The following SVOP variants were observed in gnomAD, a reference collection of about 807,000 sequenced individuals.
SVOP encodes the protein SV2 related protein, also known as synaptic vesicle 2-related protein.
In SVOP, 17 loss-of-function variants were observed where a neutral mutation model predicts 69.1. The observed-to-expected ratio is 0.25, with a 90% CI of 0.17 to 0.37. SVOP has a LOEUF of 0.37. Among genes scored for constraint, SVOP ranks in the 10% least tolerant of loss-of-function variants. The pLI, the probability that SVOP is intolerant of heterozygous loss-of-function variation, is 1.00. For missense variants in SVOP, 435 were observed against 597.5 expected, an observed-to-expected ratio of 0.73 and a Z score of 2.84; for synonymous variants, 238 against 238.6, an observed-to-expected ratio of 1.00 and a Z score of 0.02.
chr12:108,943,890 CT>C (rs1296101947), intron 7 of SVOP, among the ~76,000 whole-genome samples: 3 of 141,242 alleles, frequency 2.1e-5, no homozygotes, highest in South Asian at 2.3e-4. Flanking sequence ...CTTCTTCTTT[CT>C]TTTTTTTTGA....
rs563629402 is a variant in SVOP, at chr12:108,969,813, G to A, written c.453+2592C>T. 2.2e-3 allele frequency among the ~76,000 whole-genome samples: 339 copies of A among 151,974 alleles called. 2 individuals carry two copies. The highest frequency in any genetic ancestry group is 0.01 in the Middle Eastern group (3 of 294). ...CCATCACTCATATGCTCCAGAAACA[G>A]GAAGTGGGTGGGAGAGCAGATGGGG... On this transcript the variant is annotated intron_variant, in intron 5 of 15. Coordinates refer to ENST00000610966, the MANE Select transcript of SVOP (RefSeq NM_018711.5).
intron 11 of SVOP, among the ~76,000 whole-genome samples, chr12:108,930,764 C>T (rs1477966895): frequency 6.6e-6 from 1 of 152,090 alleles, no homozygotes; most frequent in Non-Finnish European, 1.5e-5. Context: ...CGGAAATCAG[C>T]GATTGGCACA....
At chr12:109,010,370 C>T (rs962516359) in intron 1 of SVOP, among the ~76,000 whole-genome samples, 1 of 152,082 alleles carries the variant, frequency 6.6e-6, no homozygotes, top group Non-Finnish European at 1.5e-5. Context: ...TTAGACAGCC[C>T]AGAGAAGACT....
chr12:108,973,935 C>T (rs2040093106), intron 4 of SVOP, among the ~76,000 whole-genome samples: 1 of 152,190 alleles, frequency 6.6e-6, no homozygotes, highest in Non-Finnish European at 1.5e-5. Flanking sequence ...ATCTGGTTTC[C>T]AATACCTTTA....
intron 1 of SVOP, among the ~76,000 whole-genome samples, chr12:108,991,735 C>T (rs939566383): frequency 4.0e-5 from 6 of 150,666 alleles, no homozygotes; most frequent in Non-Finnish European, 7.4e-5. Flanking sequence ...GGATTACAGG[C>T]GTGAGCCATC....
chr12:108,924,781 T>G (rs1343325272), intron 11 of SVOP, among the ~76,000 whole-genome samples: 1 of 152,168 alleles, frequency 6.6e-6, no homozygotes, highest in Admixed American at 6.5e-5. Flanking sequence ...CTATAGAAAC[T>G]AAAGATAACA....
chr12:108,971,899 C>T (rs1279923586), intron 5 of SVOP, among the ~76,000 whole-genome samples: 1 of 151,964 alleles, frequency 6.6e-6, no homozygotes, highest in Non-Finnish European at 1.5e-5. Context: ...ACAAAAAATA[C>T]AAAAATGAGC....
intron 14 of SVOP, among the ~76,000 whole-genome samples, chr12:108,916,218 C>G (rs991885195): frequency 6.6e-6 from 1 of 152,218 alleles, no homozygotes; most frequent in African/African-American, 2.4e-5. Flanking sequence ...GCCTGGGTCA[C>G]AGGTTTTCAA....
chr12:109,008,532 C>T (rs536147783), intron 1 of SVOP, among the ~76,000 whole-genome samples: 63 of 152,248 alleles, frequency 4.1e-4, no homozygotes, highest in Non-Finnish European at 6.6e-4. Context: ...TAGCAATGAG[C>T]TTGTTCCTAG....
At chr12:109,020,402 A>G (rs1376953770) in intron 1 of SVOP, among the ~76,000 whole-genome samples, 1 of 152,184 alleles carries the variant, frequency 6.6e-6, no homozygotes, top group African/African-American at 2.4e-5. Context: ...CATCAGTATC[A>G]TTCCCTTCCA....
At chr12:108,938,711 C>G (rs2039870712) in intron 9 of SVOP, 116 bp downstream of exon 9, 2 of 1,519,528 alleles carry the variant, frequency 1.3e-6, no homozygotes, top group East Asian at 4.5e-5. Context: ...ACACACCCCA[C>G]CTTGGGTACA....
chr12:108,977,363 T>C, intron 4 of SVOP, 35 bp downstream of exon 4: 1 of 1,535,588 alleles, frequency 6.5e-7, no homozygotes, highest in Non-Finnish European at 8.7e-7. Flanking sequence ...GGAGCAGAAC[T>C]GTATGCAACA....
chr12:108,942,816 G>A (rs771288482), intron 7 of SVOP, among the ~76,000 whole-genome samples: 1 of 152,214 alleles, frequency 6.6e-6, no homozygotes, highest in South Asian at 2.1e-4. Context: ...CCAGGCTGGA[G>A]TTCAGTGGTG....
chr12:108,956,065 C>T (rs938033256), intron 6 of SVOP, among the ~76,000 whole-genome samples: 2 of 152,080 alleles, frequency 1.3e-5, no homozygotes, highest in African/African-American at 2.4e-5. Flanking sequence ...CTTTGGGAGG[C>T]TGAGGTGGGT....
chr12:108,938,859 T>A lies in SVOP; in HGVS notation c.865A>T (p.Met289Leu). ...GAGATGATGAGTTTCCCCAGCGGCA[T>A]GGGAGCTCCGTTTTCAGTTGCTATC... ...KRIATENGAP[M>L]PLGKLIISRQ... Residue 289 changes from methionine (M) to leucine (L), a missense_variant, in exon 9 of 16, where the codon ATG becomes TTG. Physicochemically the swap from Met to Leu is conservative, Grantham distance 15 (BLOSUM62 2). Transcript: ENST00000610966. The A allele has an allele frequency of 6.2e-7, 1 of 1,614,028 alleles. No homozygotes were observed. The highest frequency in any genetic ancestry group is 8.5e-7 in the Non-Finnish European group (1 of 1,179,880).
Position 108,950,401 on chromosome 12 carries a change from T to A in SVOP, c.579-5235A>T, listed in dbSNP as rs184187586. Among the ~76,000 whole-genome samples, 55 of 151,280 alleles carry A rather than the reference T, an allele frequency of 3.6e-4. 3 individuals carry two copies. Among genetic ancestry groups the A allele is most frequent in the African/African-American group, 1.3e-3 (55 of 41,162 alleles). On this transcript the variant is annotated intron_variant, in intron 6 of 15. Coordinates refer to ENST00000610966, the MANE Select transcript of SVOP (RefSeq NM_018711.5). ...GCCAAGAATTACTCTTTTTTTCTTT[T>A]GAGACAGCGTCTCATTCTGTCACCC... is the stretch of plus-strand genomic sequence containing the variant.
chr12:109,005,700 T>C (rs2040303160), intron 1 of SVOP, among the ~76,000 whole-genome samples: 1 of 151,936 alleles, frequency 6.6e-6, no homozygotes, highest in African/African-American at 2.4e-5. Context: ...TTACAGATGA[T>C]AAAACTGAGG....
At chr12:108,997,359 T>G (rs1465589886) in intron 1 of SVOP, among the ~76,000 whole-genome samples, 2 of 151,520 alleles carry the variant, frequency 1.3e-5, no homozygotes, top group Non-Finnish European at 3.0e-5. Context: ...GAGATCAAAC[T>G]GCAAGGCGGC....
intron 6 of SVOP, among the ~76,000 whole-genome samples, chr12:108,953,210 A>G (rs142249742): frequency 0.16 from 22,721 of 137,792 alleles, 2,002 homozygotes; most frequent in East Asian, 0.33. Flanking sequence ...GTGCAATGGC[A>G]TGAACTCGGC....
Sources: allele counts gnomAD v4.1 joint callset (sites outside exome capture counted in the v4.1 genomes callset), GRCh38; gene constraint gnomAD v4.1.1; transcripts MANE v1.5; gene names NCBI Gene and HGNC (gene_info 2026-07-23, HGNC 2026-07-21).